PDE8B: variants seen among roughly 807,000 people sequenced by gnomAD.
The protein encoded by PDE8B is phosphodiesterase 8B, also known as high affinity cAMP-specific and IBMX-insensitive 3',5'-cyclic phosphodiesterase 8B.
A neutral mutation model predicts 101.3 loss-of-function variants in PDE8B; 26 were observed. The ratio of observed to expected loss-of-function variants is 0.26; its 90% confidence interval spans 0.19 to 0.36. PDE8B has a LOEUF of 0.36. Ranked by LOEUF, PDE8B falls within the 10% of genes least tolerant of loss-of-function variation. PDE8B has a pLI of 1.00. For missense variants in PDE8B, 810 were observed against 1,163.1 expected (o/e 0.70, Z 4.42); for synonymous variants, 424 against 429.3 (o/e 0.99, Z 0.15).
the PDE8B span, chr5:77,113,865 A>T: frequency 6.6e-6 from 1 of 152,240 alleles, no homozygotes; most frequent in Admixed American, 6.5e-5. Flanking sequence ...ATATGAACAG[A>T]CACTTCTCAA....
intron 10 of PDE8B, among the ~76,000 whole-genome samples, chr5:77,362,715 A>C (rs1210116404): frequency 6.6e-6 from 1 of 152,140 alleles, no homozygotes; most frequent in Non-Finnish European, 1.5e-5. Flanking sequence ...CCACCTTCCC[A>C]AGTCACACTA....
chr5:77,421,292 T>A (rs938997985), intron 19 of PDE8B, among the ~76,000 whole-genome samples: 2 of 151,202 alleles, frequency 1.3e-5, no homozygotes, highest in African/African-American at 4.9e-5. Flanking sequence ...TGCGAGAGAG[T>A]TGGGTGAGTT....
At chr5:77,335,274 A>G (rs2150323396) in intron 5 of PDE8B, among the ~76,000 whole-genome samples, 1 of 152,306 alleles carries the variant, frequency 6.6e-6, no homozygotes, top group South Asian at 2.1e-4. Context: ...ATGAGCTAAC[A>G]ACTCCCTGAG....
chr5:77,097,413 G>C, the PDE8B span, among the ~76,000 whole-genome samples: 1 of 151,826 alleles, frequency 6.6e-6, no homozygotes, highest in Non-Finnish European at 1.5e-5. Context: ...AGAATTAGGA[G>C]AGTAAAGGTA....
the PDE8B span, among the ~76,000 whole-genome samples, chr5:77,196,546 A>G: frequency 6.6e-6 from 1 of 152,218 alleles, no homozygotes; most frequent in East Asian, 1.9e-4. Context: ...CCGCTTGGTC[A>G]TGGTGTACTA....
At chr5:77,185,729 AC>A in the PDE8B span, among the ~76,000 whole-genome samples, 1 of 150,818 alleles carries the variant, frequency 6.6e-6, no homozygotes, top group Non-Finnish European at 1.5e-5. Flanking sequence ...CTGTCCCCCC[AC>A]CCCCTGCCAT....
chr5:77,120,251 T>A, the PDE8B span, among the ~76,000 whole-genome samples: 1 of 152,354 alleles, frequency 6.6e-6, no homozygotes, highest in African/African-American at 2.4e-5. Context: ...AAAATAGTGA[T>A]CTGTGCAGAT....
At chr5:77,287,215 G>A (rs1031521025) in intron 1 of PDE8B, among the ~76,000 whole-genome samples, 8 of 151,594 alleles carry the variant, frequency 5.3e-5, no homozygotes, top group African/African-American at 1.9e-4. Context: ...CTCTGTTTTT[G>A]TTTGTCTGGA....
At chr5:77,297,944 T>C (rs1294737190) in intron 1 of PDE8B, among the ~76,000 whole-genome samples, 1 of 152,216 alleles carries the variant, frequency 6.6e-6, no homozygotes, top group African/African-American at 2.4e-5. Context: ...TCTGGCTTCA[T>C]GGTCATCTCA....
intron 10 of PDE8B, among the ~76,000 whole-genome samples, chr5:77,364,733 C>T (rs1321804997): frequency 6.6e-6 from 1 of 151,638 alleles, no homozygotes; most frequent in African/African-American, 2.4e-5. Context: ...CGTATGTACT[C>T]GAGGGTCTGG....
At chr5:77,253,733 T>C (rs1096752) in intron 1 of PDE8B, among the ~76,000 whole-genome samples, 78,619 of 151,836 alleles carry the variant, frequency 0.52, 21,609 homozygotes, top group East Asian at 0.88. Flanking sequence ...TGGCTCTTGA[T>C]GTGAGACTTG....
At chr5:77,418,042 A>G (rs1795927221) in intron 17 of PDE8B, among the ~76,000 whole-genome samples, 187 bp from the exon 18 acceptor site, 1 of 152,202 alleles carries the variant, frequency 6.6e-6, no homozygotes, top group Non-Finnish European at 1.5e-5. Context: ...TCCAGATAAC[A>G]GACAGCACAG....
intron 1 of PDE8B, among the ~76,000 whole-genome samples, chr5:77,261,705 C>T (rs1298636436): frequency 2.0e-5 from 3 of 152,162 alleles, no homozygotes; most frequent in Non-Finnish European, 2.9e-5. Flanking sequence ...TAGAAGGTTC[C>T]TAAGAGGATT....
At chr5:77,165,538 G>C in the PDE8B span, 1 of 152,130 alleles carries the variant, frequency 6.6e-6, no homozygotes, top group Non-Finnish European at 1.5e-5. Context: ...AGACAATAGG[G>C]CTTCTCTAAC....
At chr5:77,335,280 C>T (rs560985541) in intron 5 of PDE8B, among the ~76,000 whole-genome samples, 1 of 152,170 alleles carries the variant, frequency 6.6e-6, no homozygotes, top group Non-Finnish European at 1.5e-5. Flanking sequence ...TAACAACTCC[C>T]TGAGTTCTGT....
the PDE8B span, among the ~76,000 whole-genome samples, chr5:77,166,121 G>A: frequency 1.3e-5 from 2 of 149,556 alleles, no homozygotes; most frequent in South Asian, 4.3e-4. Context: ...AGAAGCAGAA[G>A]AAATGATGGA....
intron 7 of PDE8B, among the ~76,000 whole-genome samples, chr5:77,348,609 A>G (rs1056100692): frequency 9.9e-5 from 15 of 152,254 alleles, no homozygotes; most frequent in African/African-American, 3.6e-4. Flanking sequence ...GCAATTGGAA[A>G]GGAGACATGA....
chr5:77,347,832 G>A (rs1780413400), intron 7 of PDE8B, among the ~76,000 whole-genome samples: 1 of 152,062 alleles, frequency 6.6e-6, no homozygotes, highest in Non-Finnish European at 1.5e-5. Flanking sequence ...GTGGGGAAAG[G>A]CCCGGAGATG....
At chr5:77,384,290 G>A (rs1788107972) in intron 10 of PDE8B, among the ~76,000 whole-genome samples, 1 of 151,986 alleles carries the variant, frequency 6.6e-6, no homozygotes, top group African/African-American at 2.4e-5. Flanking sequence ...TTCTGTTATT[G>A]GTGTATAGGA....
Sources: allele counts gnomAD v4.1 joint callset (sites outside exome capture counted in the v4.1 genomes callset), GRCh38; gene constraint gnomAD v4.1.1; transcripts MANE v1.5; gene names NCBI Gene and HGNC (gene_info 2026-07-23, HGNC 2026-07-21).